Variants in XRRA1 observed in about 807,000 individuals in gnomAD.
The protein encoded by XRRA1 is X-ray radiation resistance-associated protein 1.
In XRRA1, 69 loss-of-function variants were observed where a neutral mutation model predicts 80.2. The ratio of observed to expected loss-of-function variants is 0.86; its 90% confidence interval spans 0.71 to 1.05. The LOEUF (loss-of-function observed/expected upper bound fraction) is 1.05. XRRA1 is among the 50% of genes least tolerant of loss of function. The probability of loss-of-function intolerance (pLI) is 0.00; values close to 1 mark genes in which losing one functional copy is unlikely to be tolerated. For missense variants in XRRA1, 967 were observed against 976.4 expected (o/e 0.99, Z 0.13); for synonymous variants, 348 against 389.9 (o/e 0.89, Z 1.27).
At chr11:74,937,143 T>A in intron 3 of XRRA1, 75 bp from the exon 4 acceptor site, 1 of 1,475,878 alleles carries the variant, frequency 6.8e-7, no homozygotes, top group South Asian at 1.4e-5. Flanking sequence ...ACTTTGTTTA[T>A]AATACTAAAA....
chr11:74,844,418 C>T, intron 16 of XRRA1, 135 bp from the exon 17 acceptor site: 1 of 657,878 alleles, frequency 1.5e-6, no homozygotes. Context: ...GAAAACACTG[C>T]CCCCAGGTTT....
intron 10 of XRRA1, among the ~76,000 whole-genome samples, chr11:74,886,413 C>T (rs941997566): frequency 5.9e-5 from 9 of 152,010 alleles, no homozygotes; most frequent in Non-Finnish European, 1.2e-4. Context: ...TTTTATACAC[C>T]AACAACCTCC....
intron 11 of XRRA1, among the ~76,000 whole-genome samples, chr11:74,859,959 T>C (rs1333690485): frequency 6.6e-6 from 1 of 152,064 alleles, no homozygotes; most frequent in Non-Finnish European, 1.5e-5. Flanking sequence ...GGTTTAACTA[T>C]ACATAACTCA....
intron 10 of XRRA1, among the ~76,000 whole-genome samples, chr11:74,893,932 A>T (rs2051519064): frequency 6.6e-6 from 1 of 152,254 alleles, no homozygotes; most frequent in Admixed American, 6.5e-5. Context: ...ATCTATTACA[A>T]AGATATATGC....
chr11:74,926,519 T>C (rs572698193), intron 7 of XRRA1, among the ~76,000 whole-genome samples: 2 of 152,220 alleles, frequency 1.3e-5, no homozygotes, highest in Non-Finnish European at 1.5e-5. Context: ...TATTACTCAG[T>C]GAGTGAGCGT....
In XRRA1 at chr11:74,859,243, A is replaced by T. The variant is rs749394019; in HGVS notation, c.1085T>A (p.Leu362His). ...CCTGGCCTTCAGTGACTTCACAGGA[A>T]GGATCTCGAATATGGGAGGAAGTGA... ...ICSLPPIFEI[L>H]PVKSLKARNQ... The change falls in exon 12 of 19, where the codon CTT becomes CAT. Residue 362 changes from leucine (L) to histidine (H), a missense_variant. Transcript: ENST00000684022. 54 of 1,610,458 alleles carry T rather than the reference A, an allele frequency of 3.4e-5. No individual in the cohort carries two copies. Among genetic ancestry groups the T allele is most frequent in the Non-Finnish European group, 4.4e-5 (52 of 1,178,636 alleles).
At chr11:74,940,990 A>C in intron 2 of XRRA1, 108 bp from the exon 3 acceptor site, 1 of 758,752 alleles carries the variant, frequency 1.3e-6, no homozygotes, top group South Asian at 1.6e-5. Context: ...ACACCCGCAC[A>C]CACCCTGCCT....
intron 10 of XRRA1, among the ~76,000 whole-genome samples, chr11:74,868,811 A>G (rs969972207): frequency 1.3e-5 from 2 of 152,222 alleles, no homozygotes; most frequent in African/African-American, 4.8e-5. Flanking sequence ...TATCCTAAAT[A>G]TATATGCATC....
intron 10 of XRRA1, among the ~76,000 whole-genome samples, chr11:74,882,951 C>G (rs1330621314): frequency 6.6e-6 from 1 of 152,218 alleles, no homozygotes; most frequent in Non-Finnish European, 1.5e-5. Flanking sequence ...GCAGAGGTTA[C>G]TGCTGTCTTT....
intron 10 of XRRA1, among the ~76,000 whole-genome samples, chr11:74,905,304 A>C (rs547503231): frequency 1.3e-5 from 2 of 152,314 alleles, no homozygotes; most frequent in Admixed American, 1.3e-4. Context: ...TCCTGGCCTC[A>C]AACAATTCTC....
At chr11:74,930,826 C>T (rs1201068763) in intron 5 of XRRA1, among the ~76,000 whole-genome samples, 1 of 152,120 alleles carries the variant, frequency 6.6e-6, no homozygotes, top group Admixed American at 6.6e-5. Flanking sequence ...GTTTTTGAGA[C>T]AGGGTCTCAC....
At chr11:74,867,677 C>T (rs1411093868) in intron 10 of XRRA1, among the ~76,000 whole-genome samples, 1 of 152,086 alleles carries the variant, frequency 6.6e-6, no homozygotes, top group Non-Finnish European at 1.5e-5. Flanking sequence ...TGACAATTTC[C>T]CCAACTTTGC....
chr11:74,902,720 C>T (rs950732671), intron 10 of XRRA1, among the ~76,000 whole-genome samples: 2 of 151,802 alleles, frequency 1.3e-5, no homozygotes, highest in Non-Finnish European at 2.9e-5. Flanking sequence ...AAAATCAAAA[C>T]AATTGAACTC....
chr11:74,866,205 CAAAGA>C (rs2043360919), intron 10 of XRRA1, among the ~76,000 whole-genome samples: 1 of 152,142 alleles, frequency 6.6e-6, no homozygotes. Flanking sequence ...ATCTCTCAGA[CAAAGA>C]ATTCAAAAGA....
intron 8 of XRRA1, among the ~76,000 whole-genome samples, chr11:74,914,992 A>G (rs866333937): frequency 6.6e-6 from 1 of 152,218 alleles, no homozygotes; most frequent in Non-Finnish European, 1.5e-5. Flanking sequence ...GCCATCTAAT[A>G]TAGGAAGAAA....
intron 7 of XRRA1, among the ~76,000 whole-genome samples, chr11:74,925,614 C>A (rs1257902747): frequency 6.6e-6 from 1 of 151,876 alleles, no homozygotes; most frequent in Non-Finnish European, 1.5e-5. Context: ...TGTTCTCTTA[C>A]GTAAATACCC....
intron 5 of XRRA1, chr11:74,933,357 A>T (rs895421500): frequency 1.3e-5 from 2 of 154,832 alleles, no homozygotes; most frequent in African/African-American, 4.8e-5. Flanking sequence ...TCAGGGGTTC[A>T]AGCAATTCTC....
chr11:74,873,694 C>T (rs2045410006), intron 10 of XRRA1, among the ~76,000 whole-genome samples: 2 of 152,350 alleles, frequency 1.3e-5, no homozygotes, highest in South Asian at 2.1e-4. Flanking sequence ...TGAAGCTCTT[C>T]TTAATTTCTT....
At chr11:74,873,491 G>C (rs1266594768) in intron 10 of XRRA1, among the ~76,000 whole-genome samples, 4 of 152,106 alleles carry the variant, frequency 2.6e-5, no homozygotes, top group African/African-American at 9.7e-5. Context: ...GTTTGCCTTC[G>C]AAGATCCCTC....
Sources: gnomAD v4.1 joint callset for allele counts (sites outside exome capture counted in the v4.1 genomes callset) on GRCh38, gnomAD v4.1.1 for gene constraint, MANE v1.5 for transcripts, NCBI Gene and HGNC (gene_info 2026-07-23, HGNC 2026-07-21) for gene names.